The following RAPGEF4 variants were observed in gnomAD, a reference collection of about 807,000 sequenced individuals.
RAPGEF4 encodes Rap guanine nucleotide exchange factor 4.
RAPGEF4 carries 66 observed loss-of-function variants against 147.9 expected under a neutral mutation model. The observed-to-expected ratio is 0.45, with a 90% confidence interval of 0.37 to 0.55. The LOEUF (loss-of-function observed/expected upper bound fraction) is 0.55. Among genes scored for constraint, RAPGEF4 ranks in the 20% least tolerant of loss-of-function variants. The pLI, the probability that RAPGEF4 is intolerant of heterozygous loss-of-function variation, is 0.00. For synonymous variants in RAPGEF4, 419 were observed against 442.7 expected, an observed-to-expected ratio of 0.95 and a Z score of 0.67; for missense variants, 1,071 against 1,257.3, an observed-to-expected ratio of 0.85 and a Z score of 2.24.
chr2:172,995,296 T>G (rs1231138054), intron 15 of RAPGEF4, among the ~76,000 whole-genome samples: 1 of 149,948 alleles, frequency 6.7e-6, no homozygotes. Flanking sequence ...TGTGTTTGTA[T>G]TTTGAGATGG....
intron 4 of RAPGEF4, among the ~76,000 whole-genome samples, chr2:172,855,905 T>C (rs943630442): frequency 7.9e-5 from 12 of 152,176 alleles, no homozygotes; most frequent in African/African-American, 2.7e-4. Flanking sequence ...TTTTAATAGT[T>C]TGAATATGAT....
At chr2:172,841,895 G>T (rs1347061668) in intron 4 of RAPGEF4, among the ~76,000 whole-genome samples, 1 of 151,712 alleles carries the variant, frequency 6.6e-6, no homozygotes, top group African/African-American at 2.4e-5. Flanking sequence ...TAAAAAACTT[G>T]AAAAGTGTGA....
chr2:172,765,523 T>C (rs1462539534), intron 1 of RAPGEF4, among the ~76,000 whole-genome samples: 1 of 152,202 alleles, frequency 6.6e-6, no homozygotes, highest in Non-Finnish European at 1.5e-5. Flanking sequence ...CCTAGTGTCT[T>C]GCCATCTCTC....
At chr2:172,756,152 G>A (rs193003343) in intron 1 of RAPGEF4, among the ~76,000 whole-genome samples, 8 of 152,156 alleles carry the variant, frequency 5.3e-5, no homozygotes, top group Non-Finnish European at 5.9e-5. Flanking sequence ...ACTGATTAAG[G>A]TTCAAATATT....
At chr2:172,983,803 C>T (rs968497721) in intron 11 of RAPGEF4, among the ~76,000 whole-genome samples, 1 of 152,148 alleles carries the variant, frequency 6.6e-6, no homozygotes, top group African/African-American at 2.4e-5. Context: ...GTGCCCTAAA[C>T]CCCAGAGCAG....
Position 173,051,926 on chromosome 2 carries a change from C to G in RAPGEF4, c.*159C>G, listed in dbSNP as rs1421518796. 6 of 737,218 alleles carry G rather than the reference C, an allele frequency of 8.1e-6. No homozygotes were observed. The highest frequency in any genetic ancestry group is 1.1e-5 in the Non-Finnish European group (5 of 466,320). 45.7% of individuals were successfully genotyped at this position (737,218 alleles called of 1,614,324 possible). ...GGGCTGCATTCAGCTTACCAGCTAC[C>G]TAGCAAGAGAAGGAATTATTTGACA... On this transcript the variant is annotated 3_prime_UTR_variant, in exon 31 of 31. Transcript: ENST00000397081.
chr2:172,991,365 C>T (rs921199913), intron 15 of RAPGEF4, among the ~76,000 whole-genome samples: 10 of 152,122 alleles, frequency 6.6e-5, no homozygotes, highest in African/African-American at 2.4e-4. Flanking sequence ...TGATGGAAAC[C>T]CAGACTTCCA....
In RAPGEF4 at chr2:173,042,914, A is replaced by G. The variant is rs1180863072; in HGVS notation, c.2854-5686A>G. ...GCATGTGTTACACATGCGTATCTGC[A>G]TGTCATACACCTCTTGGATACTAAA... On this transcript the variant is annotated intron_variant, in intron 29 of 30. Transcript: ENST00000397081. This position sits in a 1 kb window ranked among gnomAD's most constrained non-coding sequence, Gnocchi z 4.2. 1.3e-5 allele frequency among the ~76,000 whole-genome samples: 2 copies of G among 152,224 alleles called. No homozygotes were observed. The highest frequency in any genetic ancestry group is 3.2e-3 in the Middle Eastern group (1 of 316).
At chr2:172,847,090 G>C (rs1352220130) in intron 4 of RAPGEF4, among the ~76,000 whole-genome samples, 1 of 152,132 alleles carries the variant, frequency 6.6e-6, no homozygotes, top group African/African-American at 2.4e-5. Context: ...ATAAGAATTG[G>C]GGACATACGG....
chr2:173,036,636 T>G lies in RAPGEF4; in HGVS notation c.2797T>G (p.Phe933Val). ...FMPLLIKDMT[F>V]THEGNKTFID... ...CTTTTATTTCTTTACAGATATGACA[T>G]TTACTCATGAGGGGAACAAGACGTT... Residue 933 changes from phenylalanine to valine, a missense_variant, in exon 29 of 31, where the codon TTT becomes GTT. Physicochemically the swap from Phe to Val is conservative, Grantham distance 50. Coordinates refer to ENST00000397081, the MANE Select transcript of RAPGEF4 (RefSeq NM_007023.4). 1.2e-6 allele frequency: 2 copies of G among 1,609,470 alleles called. No homozygotes were observed. Among genetic ancestry groups the G allele is most frequent in the Non-Finnish European group, 1.7e-6 (2 of 1,177,166 alleles).
intron 10 of RAPGEF4, among the ~76,000 whole-genome samples, chr2:172,973,993 C>A (rs1690795739): frequency 6.6e-6 from 1 of 152,158 alleles, no homozygotes; most frequent in Non-Finnish European, 1.5e-5. Flanking sequence ...TTCAATAATA[C>A]CTGCTTGCCC....
At chr2:172,898,616 C>G (rs1273968654) in intron 4 of RAPGEF4, among the ~76,000 whole-genome samples, 3 of 152,114 alleles carry the variant, frequency 2.0e-5, no homozygotes, top group East Asian at 1.9e-4. Context: ...TCACTTGCAC[C>G]TGGAGGAGGG....
At chr2:173,030,320 A>T (rs1028828216) in intron 26 of RAPGEF4, 66 bp downstream of exon 26, 2 of 1,276,216 alleles carry the variant, frequency 1.6e-6, no homozygotes, top group Middle Eastern at 1.9e-4. Context: ...CTCACCAGTG[A>T]GCTTTTTAAT....
intron 6 of RAPGEF4, among the ~76,000 whole-genome samples, chr2:172,941,191 C>A (rs1219779022): frequency 6.6e-6 from 1 of 152,072 alleles, no homozygotes; most frequent in Non-Finnish European, 1.5e-5. Context: ...TGTGCTTTTT[C>A]TTTATTTCTC....
intron 6 of RAPGEF4, among the ~76,000 whole-genome samples, chr2:172,937,108 C>A (rs1374760465): frequency 6.7e-6 from 1 of 150,340 alleles, no homozygotes; most frequent in East Asian, 2.0e-4. Context: ...GCAGTCCTAC[C>A]TACTTGGGAG....
chr2:172,961,771 A>G (rs1278462537), intron 8 of RAPGEF4, among the ~76,000 whole-genome samples: 2 of 152,220 alleles, frequency 1.3e-5, no homozygotes, highest in African/African-American at 4.8e-5. Context: ...CATTTCATTC[A>G]GTCAGTCATT....
chr2:172,958,043 T>C (rs1374277990), intron 6 of RAPGEF4, among the ~76,000 whole-genome samples: 1 of 152,188 alleles, frequency 6.6e-6, no homozygotes, highest in African/African-American at 2.4e-5. Flanking sequence ...TAATGTTTCA[T>C]TGCACCTACC....
intron 15 of RAPGEF4, among the ~76,000 whole-genome samples, chr2:172,994,154 G>T (rs1342981103): frequency 6.6e-6 from 1 of 152,204 alleles, no homozygotes; most frequent in African/African-American, 2.4e-5. Context: ...CCAGCAGCCT[G>T]GTGCCACGCG....
intron 8 of RAPGEF4, 115 bp from the exon 9 acceptor site, chr2:172,965,447 T>A: frequency 8.2e-7 from 1 of 1,219,918 alleles, no homozygotes; most frequent in Non-Finnish European, 1.2e-6. Context: ...CCATGAGACC[T>A]CTTCTGGTAG....
Sources: allele counts gnomAD v4.1 joint callset (sites outside exome capture counted in the v4.1 genomes callset), GRCh38; gene constraint gnomAD v4.1.1; non-coding constraint Gnocchi (gnomAD v3.1); transcripts MANE v1.5; gene names NCBI Gene and HGNC (gene_info 2026-07-23, HGNC 2026-07-21).